MDGA1: variants seen among roughly 807,000 people sequenced by gnomAD.
MDGA1 encodes MAM domain containing glycosylphosphatidylinositol anchor 1.
Under a neutral mutation model 101.5 loss-of-function variants are expected in MDGA1, and 54 were observed. The observed-to-expected ratio is 0.53, with a 90% CI of 0.43 to 0.67. MDGA1 has a LOEUF of 0.67. Ranked by LOEUF, MDGA1 falls within the 30% of genes least tolerant of loss-of-function variation. MDGA1 has a pLI of 0.00. For missense variants in MDGA1, 1,083 were observed against 1,323.8 expected (o/e 0.82, Z 2.82); for synonymous variants, 533 against 558.3 (o/e 0.95, Z 0.64).
chr6:37,658,422 G>A lies in MDGA1; in HGVS notation c.208-3C>T, dbSNP rs376971874. 1.9e-6 allele frequency: 3 copies of A among 1,603,022 alleles called. No homozygotes were observed. The highest frequency in any genetic ancestry group is 2.6e-6 in the Non-Finnish European group (3 of 1,174,538). On this transcript the variant is annotated splice_region_variant and splice_polypyrimidine_tract_variant and intron_variant, in intron 2 of 16. Transcript: ENST00000434837. ...CCTGCCGTCTTGGTCCACCGTACCT[G>A]GGCCGCCAGGCGGGGCAGAGTCAGA... is the stretch of plus-strand genomic sequence containing the variant.
intron 1 of MDGA1, among the ~76,000 whole-genome samples, chr6:37,694,056 TCGTCTTCC>T (rs1423426021): frequency 6.6e-6 from 1 of 152,170 alleles, no homozygotes; most frequent in African/African-American, 2.4e-5. Context: ...CACCGCCTGC[TCGTCTTCC>T]TCCCCTCTGT....
intron 9 of MDGA1, 119 bp from the exon 10 acceptor site, chr6:37,647,443 C>G (rs1181067553): frequency 1.8e-6 from 1 of 544,798 alleles, no homozygotes; most frequent in East Asian, 3.6e-5. Flanking sequence ...GACGGAGAAA[C>G]AAAGAGAAAG....
Position 37,654,383 on chromosome 6 carries a change from G to A in MDGA1, c.873C>T (p.Gly291=). 1.9e-6 allele frequency: 3 copies of A among 1,613,630 alleles called. No individual in the cohort carries two copies. Among genetic ancestry groups the A allele is most frequent in the Non-Finnish European group, 2.5e-6 (3 of 1,179,700 alleles). Residue 291 remains glycine (G), a synonymous_variant, in exon 6 of 17, where the codon GGC becomes GGT. Coordinates refer to ENST00000434837, the MANE Select transcript of MDGA1 (RefSeq NM_153487.4). ...CCTGCACTGAAGGGATGCTGAGGGTGCCACCCTGGGCCAGAGCACCCAGGG... is the reference window on the plus strand; with the variant it reads ...CCTGCACTGAAGGGATGCTGAGGGTACCACCCTGGGCCAGAGCACCCAGGG... ...PLPLGALAQG[G]TLSIPSVQAR...
intron 8 of MDGA1, 125 bp from the exon 9 acceptor site, chr6:37,649,391 G>T (rs991924614): frequency 1.4e-6 from 2 of 1,379,692 alleles, no homozygotes; most frequent in Non-Finnish European, 1.9e-6. Context: ...ATCCCAGGGC[G>T]GATGCACACT....
chr6:37,697,147 C>T lies in MDGA1; in HGVS notation c.-336G>A, dbSNP rs1762439933. The T allele has an allele frequency of 8.4e-6, 2 of 237,040 alleles. No homozygotes were observed. The allele number at this position is 237,040 out of a possible 1,614,324, so 14.7% of individuals were successfully genotyped here. A position where few individuals can be genotyped will look rare whatever the true frequency, so the allele number is the denominator to read the frequency against. ...GGCCGTCCGCGCGGGATGCTAGGCG[C>T]CGGGGACCTCTCGGCGGCGGAGGCG... On this transcript the variant is annotated 5_prime_UTR_variant, in exon 1 of 17. Transcript: ENST00000434837.
chr6:37,668,870 C>T (rs945147672), intron 1 of MDGA1, among the ~76,000 whole-genome samples: 3 of 151,962 alleles, frequency 2.0e-5, no homozygotes, highest in African/African-American at 7.3e-5. Context: ...TTTTTTGAGA[C>T]GGAGTCTAGC....
chr6:37,661,037 T>C (rs1761612122), intron 2 of MDGA1, among the ~76,000 whole-genome samples: 1 of 152,212 alleles, frequency 6.6e-6, no homozygotes, highest in Non-Finnish European at 1.5e-5. Context: ...GTGGCTACAT[T>C]TTTATCCACA....
intron 1 of MDGA1, among the ~76,000 whole-genome samples, chr6:37,666,032 T>C (rs1175997343): frequency 2.6e-5 from 4 of 151,932 alleles, no homozygotes; most frequent in Non-Finnish European, 5.9e-5. Context: ...GGCTACCCCA[T>C]AGAACGCAAT....
In MDGA1 at chr6:37,661,193, A is replaced by G. The variant is rs1248338691; in HGVS notation, c.207+2774T>C. 3.3e-5 allele frequency among the ~76,000 whole-genome samples: 5 copies of G among 152,318 alleles called. No individual in the cohort carries two copies. In the Middle Eastern group the frequency reaches 0.014, roughly 414 times the overall value. On this transcript the variant is annotated intron_variant, in intron 2 of 16. Transcript: ENST00000434837. Reference sequence around the variant, plus strand: ...AGCTCCCAGCCATGGATGGACCTGTAGCCTCAATGCATACCCCTTATGTGT... The same window carrying G: ...AGCTCCCAGCCATGGATGGACCTGTGGCCTCAATGCATACCCCTTATGTGT...
intron 1 of MDGA1, among the ~76,000 whole-genome samples, chr6:37,667,925 C>T (rs1761789184): frequency 1.3e-5 from 2 of 152,154 alleles, no homozygotes; most frequent in South Asian, 4.1e-4. Context: ...GAGATGGGGC[C>T]ATGAGTGGAT....
intron 14 of MDGA1, 54 bp downstream of exon 14, chr6:37,643,755 C>T (rs1489317130): frequency 1.2e-6 from 2 of 1,604,670 alleles, no homozygotes; most frequent in African/African-American, 2.7e-5. Context: ...GACCCCACTC[C>T]CCTCCCATCC....
chr6:37,690,678 G>C (rs1762290098), intron 1 of MDGA1, among the ~76,000 whole-genome samples: 1 of 151,616 alleles, frequency 6.6e-6, no homozygotes, highest in Admixed American at 6.6e-5. Flanking sequence ...TCGGGAGGCT[G>C]AGGCAGGAGA....
Position 37,658,374 on chromosome 6 carries a change from C to T in MDGA1, c.253G>A (p.Glu85Lys), listed in dbSNP as rs370590961. 1.2e-6 allele frequency: 2 copies of T among 1,612,526 alleles called. No individual in the cohort carries two copies. The highest frequency in any genetic ancestry group is 1.3e-5 in the African/African-American group (1 of 74,934). ...AGCGTCTCGTTGAACACCGATGTCT[C>T]CTGGAACTTGTCCGAGGCGCTACCT... Reference protein sequence around the residue: ...TAGSASDKFQETSVFNETLRI... With the variant: ...TAGSASDKFQKTSVFNETLRI... The change falls in exon 3 of 17, where the codon GAG becomes AAG. Residue 85 changes from glutamate to lysine, a missense_variant. Coordinates refer to ENST00000434837, the MANE Select transcript of MDGA1 (RefSeq NM_153487.4).
rs1349364853 is a variant in MDGA1 at position 37,633,607 on chromosome 6, G to A, written c.*3761C>T. ...GCAGCAGCTGCAGACACTGTGGTGG[G>A]AGGGTGGCCACCTCTGTGTGGCACC... is the stretch of plus-strand genomic sequence containing the variant. On this transcript the variant is annotated 3_prime_UTR_variant, in exon 17 of 17. Coordinates refer to ENST00000434837, the MANE Select transcript of MDGA1 (RefSeq NM_153487.4). The A allele has an allele frequency of 6.6e-6, 1 of 152,328 alleles. No individual in the cohort carries two copies. Among genetic ancestry groups the A allele is most frequent in the Non-Finnish European group, 1.5e-5 (1 of 68,114 alleles). 9.4% of individuals were successfully genotyped at this position (152,328 alleles called of 1,614,324 possible). A position where few individuals can be genotyped will look rare whatever the true frequency, so the allele number is the denominator to read the frequency against.
intron 1 of MDGA1, among the ~76,000 whole-genome samples, chr6:37,691,748 T>A (rs561072993): frequency 6.6e-6 from 1 of 152,360 alleles, no homozygotes; most frequent in African/African-American, 2.4e-5. Context: ...GAGAAGCCCC[T>A]TGGTACATAG....
chr6:37,684,709 T>C (rs1762162144), intron 1 of MDGA1, among the ~76,000 whole-genome samples: 2 of 152,198 alleles, frequency 1.3e-5, no homozygotes, highest in Admixed American at 1.3e-4. Context: ...CTGAGCTCAC[T>C]CCTTGCCATA....
At position 37,652,705 on chromosome 6, in the gene MDGA1, C is replaced by G. The variant is rs1458908658; in HGVS notation, c.983-365G>C. The stretch of plus-strand genomic sequence containing the variant: ...ACAAAGAAGGGAACTGAGGCTCAGA[C>G]AGCTTAAGTAACTTGCCCAAAAAAG... On this transcript the variant is annotated intron_variant, in intron 6 of 16. Coordinates refer to ENST00000434837, the MANE Select transcript of MDGA1 (RefSeq NM_153487.4). The surrounding 1 kb of genome is among the most constrained non-coding windows in gnomAD (Gnocchi z 4.3). Among the ~76,000 whole-genome samples, 7 of 152,220 alleles carry G rather than the reference C, an allele frequency of 4.6e-5. No homozygotes were observed. Among genetic ancestry groups the G allele is most frequent in the African/African-American group, 1.2e-4 (5 of 41,452 alleles).
At chr6:37,663,836 C>T in intron 2 of MDGA1, 131 bp downstream of exon 2, 1 of 1,006,362 alleles carries the variant, frequency 9.9e-7, no homozygotes, top group Non-Finnish European at 1.4e-6. Context: ...TCCCCAGCCC[C>T]CATCTCCTGT....
intron 14 of MDGA1, chr6:37,641,880 C>T (rs995948869): frequency 6.6e-5 from 10 of 152,182 alleles, no homozygotes; most frequent in Non-Finnish European, 1.2e-4. Flanking sequence ...TTGGGAGCCC[C>T]AGTGGATGCA....
Sources: allele counts gnomAD v4.1 joint callset (sites outside exome capture counted in the v4.1 genomes callset), GRCh38; gene constraint gnomAD v4.1.1; non-coding constraint Gnocchi (gnomAD v3.1); transcripts MANE v1.5; gene names NCBI Gene and HGNC (gene_info 2026-07-23, HGNC 2026-07-21).